Variants in CCDC171 observed in about 807,000 individuals in gnomAD.
CCDC171 encodes coiled-coil domain containing 171, also known as coiled-coil domain-containing protein 171.
Under a neutral mutation model 168.2 loss-of-function variants are expected in CCDC171, and 177 were observed. The ratio of observed to expected loss-of-function variants is 1.05; its 90% confidence interval spans 0.93 to 1.19. The LOEUF is 1.19. Among genes scored for constraint, CCDC171 ranks in the 50% most tolerant of loss-of-function variants. The pLI is 0.00. For missense variants in CCDC171, 1,991 were observed against 1,539.0 expected (o/e 1.29, Z -4.91); for synonymous variants, 687 against 540.8 (o/e 1.27, Z -3.75).
rs763321315 is a variant in CCDC171 at position 15,980,534 on chromosome 9, G to A, written n.369-40055G>A. ...TCCCCAGGCCCATGCTTTATAATTA[G>A]GGTTTTCTCTCAGTGGAGACCTACT... On this transcript the variant is annotated intron_variant and non_coding_transcript_variant, in intron 3 of 9. Transcript: ENST00000486641. 2.0e-5 allele frequency among the ~76,000 whole-genome samples: 3 copies of A among 151,948 alleles called. 1 individual carries two copies. The highest frequency in any genetic ancestry group is 4.8e-5 in the African/African-American group (2 of 41,334).
intron 25 of CCDC171, among the ~76,000 whole-genome samples, chr9:15,931,844 A>G (rs1826556801): frequency 6.6e-6 from 1 of 151,696 alleles, no homozygotes; most frequent in South Asian, 2.1e-4. Context: ...ACATGTGGAT[A>G]TTTAGTTTTC....
chr9:15,799,154 A>ATATATATG (rs1326459105), intron 21 of CCDC171, among the ~76,000 whole-genome samples: 9 of 145,066 alleles, frequency 6.2e-5, no homozygotes, highest in Non-Finnish European at 1.1e-4. Context: ...ATATATATAT[A>ATATATATG]TATATATATA....
intron 11 of CCDC171, among the ~76,000 whole-genome samples, chr9:15,695,628 C>G (rs189133338): frequency 4.7e-4 from 71 of 152,276 alleles, no homozygotes; most frequent in African/African-American, 1.7e-3. Context: ...GAAAAAAGTC[C>G]TTACAGTATA....
Position 15,666,282 on chromosome 9 carries a change from A to G in CCDC171, c.1035A>G (p.Arg345=), listed in dbSNP as rs2048728037. The change falls in exon 9 of 26, where the codon CGA becomes CGG. Residue 345 remains arginine (R), a synonymous_variant. Coordinates refer to ENST00000380701, the MANE Select transcript of CCDC171 (RefSeq NM_173550.4). ...EFKEVESAYE[R]EKHNAQESFA... is the part of the protein sequence containing the mutation. ...AAGAAGTTGAAAGTGCATATGAGCG[A>G]GAAAAGCATAATGCACAAGAGAGCT... 2 of 1,613,764 alleles carry G rather than the reference A, an allele frequency of 1.2e-6. No homozygotes were observed. The highest frequency in any genetic ancestry group is 1.7e-6 in the Non-Finnish European group (2 of 1,179,726).
chr9:15,844,967 G>C (rs187534965), intron 21 of CCDC171, among the ~76,000 whole-genome samples: 35 of 152,158 alleles, frequency 2.3e-4, no homozygotes, highest in African/African-American at 8.4e-4. Flanking sequence ...AAGAGTTATT[G>C]AGCAGAAGAA....
At chr9:15,701,517 GAAAGAATTCTCTGTACCA>G (rs2051733464) in intron 11 of CCDC171, among the ~76,000 whole-genome samples, 1 of 150,998 alleles carries the variant, frequency 6.6e-6, no homozygotes, top group Non-Finnish European at 1.5e-5. Flanking sequence ...TTATTTTCAT[GAAAGAATTCTCTGTACCA>G]TGCCATGCTA....
intron 10 of CCDC171, among the ~76,000 whole-genome samples, chr9:15,688,823 T>C (rs985760389): frequency 3.3e-5 from 5 of 152,200 alleles, no homozygotes; most frequent in African/African-American, 4.8e-5. Context: ...TCACCATGTC[T>C]GTTCAACATT....
chr9:15,795,833 G>T (rs1173954033), intron 21 of CCDC171, among the ~76,000 whole-genome samples: 1 of 152,182 alleles, frequency 6.6e-6, no homozygotes, highest in Non-Finnish European at 1.5e-5. Context: ...GCCACACACA[G>T]GGTCTTAGTT....
intron 6 of CCDC171, among the ~76,000 whole-genome samples, chr9:16,024,558 G>A (rs1275549409): frequency 6.6e-6 from 1 of 152,200 alleles, no homozygotes; most frequent in Non-Finnish European, 1.5e-5. Context: ...AGCAGATGAG[G>A]CAGACCTAGC....
intron 18 of CCDC171, among the ~76,000 whole-genome samples, chr9:15,759,758 A>G (rs963595860): frequency 2.0e-5 from 3 of 152,148 alleles, no homozygotes; most frequent in African/African-American, 7.2e-5. Flanking sequence ...TCATAACTTC[A>G]TTTTTAAAAA....
intron 16 of CCDC171, among the ~76,000 whole-genome samples, chr9:15,737,500 G>C (rs1045680665): frequency 5.3e-5 from 8 of 152,058 alleles, no homozygotes; most frequent in Non-Finnish European, 1.2e-4. Context: ...AGAATTTAGA[G>C]GTAATATTGC....
chr9:15,879,225 A>T (rs1329485662), intron 24 of CCDC171, among the ~76,000 whole-genome samples: 1 of 152,212 alleles, frequency 6.6e-6, no homozygotes, highest in Admixed American at 6.5e-5. Context: ...ACAAACTCAC[A>T]TGCACATATT....
chr9:16,010,224 T>C (rs1832830316), intron 3 of CCDC171, among the ~76,000 whole-genome samples: 1 of 152,162 alleles, frequency 6.6e-6, no homozygotes. Context: ...CTCCACAGAA[T>C]AGACTCACTT....
At chr9:15,740,183 A>T (rs1273101422) in intron 16 of CCDC171, among the ~76,000 whole-genome samples, 15 of 152,092 alleles carry the variant, frequency 9.9e-5, no homozygotes, top group Non-Finnish European at 4.4e-5. Flanking sequence ...TTTTTTTTAC[A>T]TATAGATTTA....
chr9:15,855,060 G>A (rs1473630821), intron 23 of CCDC171, among the ~76,000 whole-genome samples: 4 of 151,546 alleles, frequency 2.6e-5, no homozygotes, highest in African/African-American at 9.7e-5. Flanking sequence ...TCTTTTGTTA[G>A]GTAGACTGTT....
intron 24 of CCDC171, among the ~76,000 whole-genome samples, chr9:15,897,422 T>A (rs1821057473): frequency 6.6e-6 from 1 of 152,110 alleles, no homozygotes; most frequent in Non-Finnish European, 1.5e-5. Flanking sequence ...TTGATGGAAG[T>A]GTGGAAGTTA....
intron 19 of CCDC171, 112 bp from the exon 20 acceptor site, chr9:15,778,856 C>CT: frequency 1.4e-6 from 1 of 714,800 alleles, no homozygotes; most frequent in South Asian, 5.0e-5. Context: ...TCTGTAATAG[C>CT]TAGCACTGGT....
intron 2 of CCDC171, among the ~76,000 whole-genome samples, chr9:15,566,948 C>G (rs1437710879): frequency 6.6e-6 from 1 of 151,676 alleles, no homozygotes; most frequent in Non-Finnish European, 1.5e-5. Flanking sequence ...TGCCTTGATA[C>G]TTCTGTTGAA....
At chr9:15,834,090 T>C (rs2060343342) in intron 21 of CCDC171, among the ~76,000 whole-genome samples, 2 of 152,176 alleles carry the variant, frequency 1.3e-5, no homozygotes, top group South Asian at 4.1e-4. Context: ...AATTAATAAA[T>C]AGTACATTGT....
Sources: allele counts gnomAD v4.1 joint callset (sites outside exome capture counted in the v4.1 genomes callset), GRCh38; gene constraint gnomAD v4.1.1; transcripts MANE v1.5; gene names NCBI Gene and HGNC (gene_info 2026-07-23, HGNC 2026-07-21).